ZBTB16: variants seen among roughly 807,000 people sequenced by gnomAD.
ZBTB16 encodes zinc finger and BTB domain containing 16, also known as zinc finger and BTB domain-containing protein 16.
Under a neutral mutation model 56.8 loss-of-function variants are expected in ZBTB16, and 8 were observed. The ratio of observed to expected loss-of-function variants is 0.14; its 90% CI spans 0.08 to 0.25. ZBTB16 has a LOEUF of 0.25. ZBTB16 is among the 10% of genes least tolerant of loss of function. The probability of loss-of-function intolerance (pLI) is 1.00; values close to 1 mark genes in which losing one functional copy is unlikely to be tolerated. For synonymous variants in ZBTB16, 363 were observed against 368.5 expected (o/e 0.98, Z 0.17); for missense variants, 625 against 903.0 (o/e 0.69, Z 3.95).
chr11:114,205,745 T>C (rs1943854146), intron 4 of ZBTB16, among the ~76,000 whole-genome samples: 1 of 152,222 alleles, frequency 6.6e-6, no homozygotes, highest in Non-Finnish European at 1.5e-5. Context: ...TGTGTTCAAG[T>C]ATTAAGTATG....
chr11:114,116,397 G>A (rs923660743), intron 2 of ZBTB16, among the ~76,000 whole-genome samples: 2 of 152,170 alleles, frequency 1.3e-5, no homozygotes, highest in Admixed American at 6.5e-5. Context: ...AAATTTAGGC[G>A]TTGCTGAACT....
rs1555132749 is a variant in ZBTB16, at chr11:114,095,245, C to CTTTTCTTTTCTTTTCTT, written c.1268+30681_1268+30682insCTTTTCTTTTCTTTTTT. Among the ~76,000 whole-genome samples the CTTTTCTTTTCTTTTCTT allele has an allele frequency of 2.1e-3, 187 of 90,456 alleles. 2 individuals are homozygous for CTTTTCTTTTCTTTTCTT. Among genetic ancestry groups the CTTTTCTTTTCTTTTCTT allele is most frequent in the Middle Eastern group, 0.016 (2 of 122 alleles). 59.3% of individuals were successfully genotyped at this position (90,456 alleles called of 152,430 possible). A position where few individuals can be genotyped will look rare whatever the true frequency, so the allele number is the denominator to read the frequency against. ...TAACCAATTTCTTTTCTTTTCTTTT[C>CTTTTCTTTTCTTTTCTT]TTTTTTTTTTTTTTTTTTTTTTTTT... On this transcript the variant is annotated intron_variant, in intron 2 of 6. Transcript: ENST00000335953.
At chr11:114,101,501 T>C (rs1388565111) in intron 2 of ZBTB16, among the ~76,000 whole-genome samples, 4 of 152,312 alleles carry the variant, frequency 2.6e-5, no homozygotes, top group Middle Eastern at 3.4e-3. Context: ...GGGTTTGATA[T>C]AAACTGAGTG....
intron 2 of ZBTB16, among the ~76,000 whole-genome samples, chr11:114,133,375 T>A (rs963172520): frequency 6.6e-6 from 1 of 152,022 alleles, no homozygotes; most frequent in Non-Finnish European, 1.5e-5. Flanking sequence ...CCATTGAAGG[T>A]CTCCATCTGC....
At chr11:114,236,849 C>T (rs1944602522) in intron 4 of ZBTB16, among the ~76,000 whole-genome samples, 1 of 152,164 alleles carries the variant, frequency 6.6e-6, no homozygotes, top group Non-Finnish European at 1.5e-5. Flanking sequence ...ATCTATTAGG[C>T]AGAGCTGAAA....
At chr11:114,238,452 C>G (rs1944639701) in intron 4 of ZBTB16, among the ~76,000 whole-genome samples, 1 of 151,614 alleles carries the variant, frequency 6.6e-6, no homozygotes, top group Non-Finnish European at 1.5e-5. Context: ...GGTCCTCCTC[C>G]TGGTTGCAGA....
intron 2 of ZBTB16, among the ~76,000 whole-genome samples, chr11:114,094,504 G>C (rs998507029): frequency 2.6e-5 from 4 of 152,094 alleles, no homozygotes; most frequent in African/African-American, 9.7e-5. Context: ...GTGGCTGTTT[G>C]GGTGGCATCC....
intron 2 of ZBTB16, among the ~76,000 whole-genome samples, chr11:114,114,889 C>T (rs570981130): frequency 6.6e-6 from 1 of 151,854 alleles, no homozygotes; most frequent in African/African-American, 2.4e-5. Flanking sequence ...CGCCATGTTG[C>T]CCAGGCTGGT....
At chr11:114,248,547 CAA>C (rs1433690231) in intron 6 of ZBTB16, among the ~76,000 whole-genome samples, 5 of 152,180 alleles carry the variant, frequency 3.3e-5, no homozygotes, top group African/African-American at 1.2e-4. Context: ...AGCTGGAAAA[CAA>C]AGACGCCCCC....
chr11:114,073,640 G>A (rs182902419), intron 2 of ZBTB16, among the ~76,000 whole-genome samples: 183 of 152,200 alleles, frequency 1.2e-3, no homozygotes, highest in Non-Finnish European at 2.2e-3. Flanking sequence ...GATTTTCTTC[G>A]GTGTGAACAG....
chr11:114,122,455 A>G (rs900229865), intron 2 of ZBTB16, among the ~76,000 whole-genome samples: 7 of 150,170 alleles, frequency 4.7e-5, no homozygotes, highest in Admixed American at 2.0e-4. Flanking sequence ...TGTGTATTAC[A>G]TAGGGCTTTT....
chr11:114,074,391 G>A (rs902311359), intron 2 of ZBTB16, among the ~76,000 whole-genome samples: 1 of 152,166 alleles, frequency 6.6e-6, no homozygotes, highest in Non-Finnish European at 1.5e-5. Context: ...GTGTTAATTT[G>A]GGGGAGCTTT....
chr11:114,065,044 T>C (rs1239927797), intron 2 of ZBTB16, among the ~76,000 whole-genome samples: 2 of 151,832 alleles, frequency 1.3e-5, no homozygotes, highest in African/African-American at 4.8e-5. Context: ...AATGGGAGGG[T>C]CTGGGGGCTG....
Position 114,063,717 on chromosome 11 carries a change from TGGCGGGGCCGAG to T in ZBTB16, c.419_430del (p.Gly140_Glu143del). The T allele has an allele frequency of 1.2e-6, 2 of 1,613,996 alleles. No individual in the cohort carries two copies. Among genetic ancestry groups the T allele is most frequent in the Non-Finnish European group, 1.7e-6 (2 of 1,180,014 alleles). On this transcript the variant is annotated inframe_deletion, in exon 2 of 7. Coordinates refer to ENST00000335953, the MANE Select transcript of ZBTB16 (RefSeq NM_006006.6). The surrounding 1 kb of genome is among the most constrained non-coding windows in gnomAD (Gnocchi z 6.5). ...ATGACACGGAGGCCACCATGGCCGATGGCGGGGCCGAGGAAGAAGAGGACCGCAAGGCTCGGT... is the reference window on the plus strand; with the variant it reads ...ATGACACGGAGGCCACCATGGCCGATGAAGAAGAGGACCGCAAGGCTCGGT...
intron 2 of ZBTB16, among the ~76,000 whole-genome samples, chr11:114,071,546 T>G (rs1281347698): frequency 6.6e-6 from 1 of 152,230 alleles, no homozygotes; most frequent in African/African-American, 2.4e-5. Flanking sequence ...TAAAATCAAA[T>G]TCTATTCACA....
intron 4 of ZBTB16, among the ~76,000 whole-genome samples, chr11:114,199,605 C>T (rs774932397): frequency 1.3e-5 from 2 of 152,212 alleles, no homozygotes; most frequent in Admixed American, 6.5e-5. Flanking sequence ...TATCCTGGCT[C>T]TGCTATGGAC....
chr11:114,156,580 A>G (rs1372482562), intron 3 of ZBTB16, 146 bp downstream of exon 3: 1 of 782,406 alleles, frequency 1.3e-6, no homozygotes, highest in East Asian at 2.7e-5. Context: ...CCCTCCCTCC[A>G]GGCTTATGAC....
intron 3 of ZBTB16, among the ~76,000 whole-genome samples, chr11:114,183,152 G>A (rs1460341853): frequency 2.0e-5 from 3 of 152,190 alleles, no homozygotes. Flanking sequence ...CTGGGGCTTC[G>A]TGAGTGGGGG....
At chr11:114,156,477 C>T (rs1395352057) in intron 3 of ZBTB16, 43 bp downstream of exon 3, 3 of 1,586,022 alleles carry the variant, frequency 1.9e-6, no homozygotes, top group Non-Finnish European at 2.6e-6. Flanking sequence ...TACAGGCAAC[C>T]ATCTCCTGCT....
Sources: allele counts gnomAD v4.1 joint callset (sites outside exome capture counted in the v4.1 genomes callset), GRCh38; gene constraint gnomAD v4.1.1; non-coding constraint Gnocchi (gnomAD v3.1); transcripts MANE v1.5; gene names NCBI Gene and HGNC (gene_info 2026-07-23, HGNC 2026-07-21).